SSX2IP: variants seen among roughly 807,000 people sequenced by gnomAD.
The protein encoded by SSX2IP is SSX family member 2 interacting protein.
SSX2IP carries 55 observed loss-of-function variants against 84.9 expected under a neutral mutation model. The ratio of observed to expected loss-of-function variants is 0.65; its 90% confidence interval spans 0.52 to 0.81. The LOEUF (loss-of-function observed/expected upper bound fraction) is 0.81, where lower values mean the gene tolerates loss of function less well. SSX2IP is among the 30% of genes least tolerant of loss of function. The pLI is 0.00. For missense variants in SSX2IP, 664 were observed against 705.2 expected, an observed-to-expected ratio of 0.94 and a Z score of 0.66; for synonymous variants, 239 against 234.7, an observed-to-expected ratio of 1.02 and a Z score of -0.17.
intron 1 of SSX2IP, among the ~76,000 whole-genome samples, chr1:84,680,181 C>T (rs1475799097): frequency 2.0e-5 from 3 of 152,144 alleles, no homozygotes; most frequent in African/African-American, 7.2e-5. Context: ...CATTAGAAAG[C>T]CATCCTCAGC....
upstream of SSX2IP, chr1:84,690,522 C>G (rs565738709): frequency 2.0e-5 from 3 of 152,146 alleles, no homozygotes; most frequent in Admixed American, 2.0e-4. Flanking sequence ...GCAGCCGCCT[C>G]CCGGCCTCCG....
chr1:84,685,399 A>G (rs987665813), intron 1 of SSX2IP, among the ~76,000 whole-genome samples: 3 of 152,222 alleles, frequency 2.0e-5, no homozygotes, highest in African/African-American at 7.2e-5. Context: ...TAATTATGTG[A>G]AACTGGTAGG....
intron 1 of SSX2IP, among the ~76,000 whole-genome samples, chr1:84,676,247 C>T (rs2102499194): frequency 6.6e-6 from 1 of 152,246 alleles, no homozygotes; most frequent in East Asian, 1.9e-4. Context: ...ATAAAGTAAT[C>T]CATAAATAAG....
intron 5 of SSX2IP, 100 bp from the exon 6 acceptor site, chr1:84,664,652 GGAT>G (rs1652509675): frequency 9.8e-7 from 1 of 1,025,488 alleles, no homozygotes; most frequent in Non-Finnish European, 1.3e-6. Flanking sequence ...TAAAATCCTA[GGAT>G]GATTCTTCCT....
At chr1:84,658,956 T>C (rs1651522789) in intron 8 of SSX2IP, among the ~76,000 whole-genome samples, 1 of 150,412 alleles carries the variant, frequency 6.6e-6, no homozygotes, top group Non-Finnish European at 1.5e-5. Flanking sequence ...CCTCATATAC[T>C]TTTTTATATA....
intron 12 of SSX2IP, 52 bp from the exon 13 acceptor site, chr1:84,650,579 A>G: frequency 6.3e-7 from 1 of 1,589,072 alleles, no homozygotes; most frequent in South Asian, 1.1e-5. Context: ...GAGGCATTAA[A>G]TATAGTGAAG....
At chr1:84,671,528 C>A (rs1432119953) in intron 1 of SSX2IP, among the ~76,000 whole-genome samples, 1 of 152,018 alleles carries the variant, frequency 6.6e-6, no homozygotes, top group African/African-American at 2.4e-5. Context: ...CTGAGGTATT[C>A]ATATTACTTT....
At chr1:84,678,160 G>A (rs1308923786) in intron 1 of SSX2IP, among the ~76,000 whole-genome samples, 1 of 152,130 alleles carries the variant, frequency 6.6e-6, no homozygotes, top group African/African-American at 2.4e-5. Flanking sequence ...ATATCATCCA[G>A]TATTACAATT....
At chr1:84,676,484 A>G (rs1311170830) in intron 1 of SSX2IP, among the ~76,000 whole-genome samples, 1 of 152,192 alleles carries the variant, frequency 6.6e-6, no homozygotes, top group African/African-American at 2.4e-5. Context: ...GTTGCAAAGT[A>G]CCAATGCCAT....
intron 1 of SSX2IP, among the ~76,000 whole-genome samples, chr1:84,686,239 C>A (rs1655768242): frequency 6.6e-6 from 1 of 151,910 alleles, no homozygotes; most frequent in Non-Finnish European, 1.5e-5. Context: ...AAAAAAAAAT[C>A]TTTGAGACAG....
intron 5 of SSX2IP, among the ~76,000 whole-genome samples, chr1:84,665,403 C>T (rs1479102783): frequency 6.6e-6 from 1 of 152,258 alleles, no homozygotes; most frequent in South Asian, 2.1e-4. Flanking sequence ...TAAAGAAATA[C>T]ACTCCTCAGA....
In SSX2IP at chr1:84,669,767, G is replaced by C. The variant is rs751831178; in HGVS notation, c.340C>G (p.Leu114Val). Residue 114 changes from leucine (L) to valine (V), a missense_variant, in exon 4 of 14, where the codon CTT (leucine) becomes GTT (valine). Transcript: ENST00000342203. ...NELLVLQRKN[L>V]LAQENVETQN... is the part of the protein sequence containing the mutation. ...GTCTCCACATTTTCCTGAGCTAGAA[G>C]GTTCTTCCGCTGAAGCACAAGCAGC... The C allele has an allele frequency of 6.2e-7, 1 of 1,613,720 alleles. No homozygotes were observed. Among genetic ancestry groups the C allele is most frequent in the Non-Finnish European group, 8.5e-7 (1 of 1,179,818 alleles).
At chr1:84,681,192 A>C (rs186420372) in intron 1 of SSX2IP, among the ~76,000 whole-genome samples, 22 of 152,344 alleles carry the variant, frequency 1.4e-4, no homozygotes, top group African/African-American at 4.8e-4. Context: ...TCTTTCCACT[A>C]AACAATCATA....
intron 1 of SSX2IP, among the ~76,000 whole-genome samples, chr1:84,671,842 T>C (rs1196709570): frequency 6.6e-6 from 1 of 152,214 alleles, no homozygotes; most frequent in Non-Finnish European, 1.5e-5. Flanking sequence ...TTTCAAGTCT[T>C]AAAATATATT....
chr1:84,676,962 G>A (rs778181423), intron 1 of SSX2IP, among the ~76,000 whole-genome samples: 4 of 151,874 alleles, frequency 2.6e-5, no homozygotes, highest in African/African-American at 7.3e-5. Flanking sequence ...TCATCTGCCC[G>A]CCTCGGACTT....
intron 8 of SSX2IP, among the ~76,000 whole-genome samples, chr1:84,660,507 C>T (rs1651788803): frequency 6.6e-6 from 1 of 152,144 alleles, no homozygotes; most frequent in African/African-American, 2.4e-5. Context: ...AGGTTAACTA[C>T]ATATAAGAGG....
chr1:84,686,111 A>T (rs1380040874), intron 1 of SSX2IP, among the ~76,000 whole-genome samples: 1 of 152,200 alleles, frequency 6.6e-6, no homozygotes, highest in Non-Finnish European at 1.5e-5. Flanking sequence ...ACAAAAATAT[A>T]TTCTCAGTGC....
At chr1:84,663,364 T>C (rs1230886833) in intron 6 of SSX2IP, among the ~76,000 whole-genome samples, 1 of 152,192 alleles carries the variant, frequency 6.6e-6, no homozygotes, top group Non-Finnish European at 1.5e-5. Context: ...CTTTATACTT[T>C]CAGCATTTCA....
chr1:84,666,374 T>C (rs1314956174), intron 4 of SSX2IP, 142 bp from the exon 5 acceptor site: 1 of 630,856 alleles, frequency 1.6e-6, no homozygotes, highest in East Asian at 2.9e-5. Context: ...AAATGTTTAT[T>C]TAAAGGAATT....
Sources: gnomAD v4.1 joint callset for allele counts (sites outside exome capture counted in the v4.1 genomes callset) on GRCh38, gnomAD v4.1.1 for gene constraint, MANE v1.5 for transcripts, NCBI Gene and HGNC (gene_info 2026-07-23, HGNC 2026-07-21) for gene names.